Variants in SAMD5 observed in about 807,000 individuals in gnomAD.
SAMD5 encodes sterile alpha motif domain-containing protein 5.
In SAMD5, 13 loss-of-function variants were observed where a neutral mutation model predicts 11.3. That is an observed-to-expected ratio of 1.15 (90% CI 0.75 to 1.83). The LOEUF is 1.83. Ranked by LOEUF, SAMD5 falls within the 40% of genes most tolerant of loss-of-function variation. The pLI, the probability that SAMD5 is intolerant of heterozygous loss-of-function variation, is 0.00. For missense variants in SAMD5, 255 were observed against 239.1 expected (o/e 1.07, Z -0.44); for synonymous variants, 129 against 111.3 (o/e 1.16, Z -1.00).
At chr6:147,726,018 G>A (rs978106104) in intron 1 of SAMD5, among the ~76,000 whole-genome samples, 1 of 152,250 alleles carries the variant, frequency 6.6e-6, no homozygotes, top group Admixed American at 6.5e-5. Context: ...CAGATTAGCT[G>A]TAGATAAAAT....
the SAMD5 span, chr6:147,953,334 T>C: frequency 6.6e-6 from 1 of 152,164 alleles, no homozygotes; most frequent in African/African-American, 2.4e-5. Flanking sequence ...CTTCAGCCAT[T>C]CGACTCTCAG....
chr6:147,700,177 T>G (rs1791233352), intron 1 of SAMD5, among the ~76,000 whole-genome samples: 1 of 152,222 alleles, frequency 6.6e-6, no homozygotes, highest in Non-Finnish European at 1.5e-5. Flanking sequence ...ATTAAACTCG[T>G]AAGATTTTTT....
At chr6:147,573,907 G>A (rs922922324), downstream of SAMD5, among the ~76,000 whole-genome samples, 13 of 152,146 alleles carry the variant, frequency 8.5e-5, no homozygotes, top group African/African-American at 2.9e-4. Context: ...GGCAGATCAT[G>A]AGGTCAGGAG....
At chr6:147,536,541 T>A (rs1011595069) in intron 1 of SAMD5, among the ~76,000 whole-genome samples, 1 of 152,148 alleles carries the variant, frequency 6.6e-6, no homozygotes, top group Non-Finnish European at 1.5e-5. Flanking sequence ...GTTTTTTTTT[T>A]AATTCCAGTA....
At chr6:147,560,274 T>C (rs1788927790) in intron 1 of SAMD5, among the ~76,000 whole-genome samples, 1 of 152,138 alleles carries the variant, frequency 6.6e-6, no homozygotes. Flanking sequence ...GTAACGTAGC[T>C]GAATGTTGGA....
At chr6:147,650,613 C>A (rs9403870) in intron 1 of SAMD5, among the ~76,000 whole-genome samples, 62,562 of 151,934 alleles carry the variant, frequency 0.41, 14,863 homozygotes, top group Middle Eastern at 0.54. Context: ...AGGTGTTACT[C>A]GTGGAAAAGA....
chr6:147,634,708 A>T (rs1790199449), intron 1 of SAMD5, among the ~76,000 whole-genome samples: 1 of 152,158 alleles, frequency 6.6e-6, no homozygotes, highest in Admixed American at 6.5e-5. Flanking sequence ...TTTATTTTTC[A>T]TCCCATAGAA....
the SAMD5 span, among the ~76,000 whole-genome samples, chr6:147,870,221 C>T: frequency 1.3e-5 from 2 of 151,982 alleles, no homozygotes; most frequent in African/African-American, 2.4e-5. Flanking sequence ...ACATACAAAC[C>T]TCCAGGGTAT....
At chr6:147,722,816 T>G (rs1244156558) in intron 1 of SAMD5, among the ~76,000 whole-genome samples, 1 of 152,198 alleles carries the variant, frequency 6.6e-6, no homozygotes, top group South Asian at 2.1e-4. Context: ...ATGAACACAC[T>G]TCTTGTTCTG....
At chr6:147,807,003 C>T in the SAMD5 span, among the ~76,000 whole-genome samples, 3 of 152,066 alleles carry the variant, frequency 2.0e-5, no homozygotes, top group Non-Finnish European at 4.4e-5. Context: ...AAAAGAGTCC[C>T]CACCAGAAAC....
chr6:147,938,350 T>A, the SAMD5 span, among the ~76,000 whole-genome samples: 1 of 152,238 alleles, frequency 6.6e-6, no homozygotes, highest in Non-Finnish European at 1.5e-5. Context: ...ATAACACTCC[T>A]CATTTATTCA....
chr6:147,674,864 C>A (rs1490026959), intron 1 of SAMD5, among the ~76,000 whole-genome samples: 1 of 152,198 alleles, frequency 6.6e-6, no homozygotes, highest in East Asian at 1.9e-4. Flanking sequence ...ATTTTCAGTT[C>A]TCAAGCTAGA....
intron 1 of SAMD5, among the ~76,000 whole-genome samples, chr6:147,679,226 T>G (rs1790906550): frequency 1.3e-5 from 2 of 152,180 alleles, no homozygotes; most frequent in African/African-American, 4.8e-5. Context: ...TTAAAGAAAC[T>G]TCTGGACTAT....
At chr6:147,685,782 G>T (rs1309922685) in intron 1 of SAMD5, among the ~76,000 whole-genome samples, 1 of 151,962 alleles carries the variant, frequency 6.6e-6, no homozygotes, top group Non-Finnish European at 1.5e-5. Context: ...GTTTATCACT[G>T]GGATACAAGA....
chr6:147,927,642 C>G, the SAMD5 span, among the ~76,000 whole-genome samples: 1 of 152,118 alleles, frequency 6.6e-6, no homozygotes, highest in Non-Finnish European at 1.5e-5. Flanking sequence ...TTTCTTCCTA[C>G]TTGGATGCCT....
the SAMD5 span, among the ~76,000 whole-genome samples, chr6:147,847,516 C>A: frequency 2.0e-4 from 30 of 152,246 alleles, no homozygotes; most frequent in South Asian, 6.2e-3. Context: ...TACAAGAAGT[C>A]AATTTTAAAA....
chr6:147,555,923 A>G (rs550039547), intron 1 of SAMD5, among the ~76,000 whole-genome samples: 1 of 152,304 alleles, frequency 6.6e-6, no homozygotes, highest in East Asian at 1.9e-4. Flanking sequence ...TGCTTCATAT[A>G]CTTCAATTAA....
the SAMD5 span, among the ~76,000 whole-genome samples, chr6:147,820,746 C>T: frequency 1.3e-5 from 2 of 152,110 alleles, no homozygotes; most frequent in African/African-American, 4.8e-5. Flanking sequence ...GCTCTGTGCC[C>T]GGGAGTTCTA....
intron 1 of SAMD5, among the ~76,000 whole-genome samples, chr6:147,537,939 C>A (rs758018665): frequency 6.6e-6 from 1 of 151,962 alleles, no homozygotes; most frequent in Admixed American, 6.5e-5. Flanking sequence ...ACATAAAAAT[C>A]GTCTTTGAAA....
Sources: gnomAD v4.1 joint callset for allele counts (sites outside exome capture counted in the v4.1 genomes callset) on GRCh38, gnomAD v4.1.1 for gene constraint, MANE v1.5 for transcripts, NCBI Gene and HGNC (gene_info 2026-07-23, HGNC 2026-07-21) for gene names.